TAFA2: variants seen among roughly 807,000 people sequenced by gnomAD.
TAFA2 encodes TAFA chemokine like family member 2.
TAFA2 carries 7 observed loss-of-function variants against 18.8 expected under a neutral mutation model. The observed-to-expected ratio is 0.37, with a 90% CI of 0.21 to 0.70. The LOEUF (loss-of-function observed/expected upper bound fraction) is 0.70. Ranked by LOEUF, TAFA2 falls within the 30% of genes least tolerant of loss-of-function variation. The pLI, the probability that TAFA2 is intolerant of heterozygous loss-of-function variation, is 0.53. For synonymous variants in TAFA2, 60 were observed against 54.2 expected (o/e 1.11, Z -0.47); for missense variants, 122 against 158.1 (o/e 0.77, Z 1.23).
chr12:62,203,392 T>C (rs2062679732), intron 1 of TAFA2, among the ~76,000 whole-genome samples: 1 of 152,244 alleles, frequency 6.6e-6, no homozygotes, highest in Non-Finnish European at 1.5e-5. Context: ...TGAATATCCT[T>C]GTTAATTTTC....
At chr12:62,067,367 T>C (rs1179841535) in intron 1 of TAFA2, among the ~76,000 whole-genome samples, 1 of 152,090 alleles carries the variant, frequency 6.6e-6, no homozygotes, top group Non-Finnish European at 1.5e-5. Flanking sequence ...GCCTGTGGGG[T>C]ATTACTCAAG....
chr12:61,787,118 A>T (rs1216029417), intron 2 of TAFA2, among the ~76,000 whole-genome samples: 1 of 151,516 alleles, frequency 6.6e-6, no homozygotes, highest in African/African-American at 2.4e-5. Context: ...TAAGAAACCA[A>T]CTATAAACCT....
At chr12:61,843,725 C>T (rs1306828460) in intron 2 of TAFA2, among the ~76,000 whole-genome samples, 8 of 152,084 alleles carry the variant, frequency 5.3e-5, no homozygotes, top group Admixed American at 5.2e-4. Context: ...TTCATATATA[C>T]ACACATAAAT....
chr12:62,250,934 G>C (rs188173432), intron 1 of TAFA2, among the ~76,000 whole-genome samples: 8 of 135,208 alleles, frequency 5.9e-5, no homozygotes, highest in Non-Finnish European at 1.4e-4. Flanking sequence ...CTAATCCTCA[G>C]AGAGCAGCTG....
intron 4 of TAFA2, among the ~76,000 whole-genome samples, chr12:61,728,886 T>TTGTGTCAAG (rs541723077): frequency 1.2e-3 from 176 of 152,206 alleles, no homozygotes; most frequent in Non-Finnish European, 2.0e-3. Context: ...ATTCAAGGTT[T>TTGTGTCAAG]TGTGTCAAGA....
chr12:61,861,575 G>C (rs2884859), intron 2 of TAFA2, among the ~76,000 whole-genome samples: 41,744 of 151,842 alleles, frequency 0.27, 6,411 homozygotes, highest in South Asian at 0.39. Flanking sequence ...CATATCTCCA[G>C]AATTTGACTT....
intron 1 of TAFA2, chr12:62,021,440 T>G: frequency 7.4e-6 from 3 of 403,406 alleles, no homozygotes; most frequent in East Asian, 6.9e-5. Flanking sequence ...CCTCCCACCC[T>G]TTCCCCCAAG....
In TAFA2 at chr12:61,723,692, T is replaced by A. The variant is rs1870009946; in HGVS notation, c.385-13275A>T. Among the ~76,000 whole-genome samples, 3 of 152,152 alleles carry A rather than the reference T, an allele frequency of 2.0e-5. No homozygotes were observed. In the South Asian group the frequency reaches 6.2e-4, roughly 31 times the overall value. On this transcript the variant is annotated intron_variant, in intron 4 of 4. Coordinates refer to ENST00000416284, the MANE Select transcript of TAFA2 (RefSeq NM_178539.5). ...AAACAAAATTAATTCATGAAAATAATGATGCAAGTAGATAATAGCAATCTG... is the reference window on the plus strand; with the variant it reads ...AAACAAAATTAATTCATGAAAATAAAGATGCAAGTAGATAATAGCAATCTG...
At chr12:62,137,568 T>G (rs1024579243) in intron 1 of TAFA2, among the ~76,000 whole-genome samples, 6 of 152,160 alleles carry the variant, frequency 3.9e-5, no homozygotes, top group Admixed American at 2.0e-4. Flanking sequence ...GGTCATCCAC[T>G]GTGCTTGGAA....
chr12:61,866,288 C>T (rs1399194976), intron 2 of TAFA2, among the ~76,000 whole-genome samples: 1 of 152,076 alleles, frequency 6.6e-6, no homozygotes, highest in African/African-American at 2.4e-5. Flanking sequence ...AAGTGTCAGT[C>T]CCACACACCA....
intron 1 of TAFA2, among the ~76,000 whole-genome samples, chr12:62,247,834 GT>G (rs1206646892): frequency 6.6e-6 from 1 of 152,134 alleles, no homozygotes; most frequent in Non-Finnish European, 1.5e-5. Context: ...TATTTTGAGT[GT>G]TTTTATTCAA....
At chr12:62,035,117 C>A (rs1015050734) in intron 1 of TAFA2, among the ~76,000 whole-genome samples, 1 of 152,024 alleles carries the variant, frequency 6.6e-6, no homozygotes, top group Non-Finnish European at 1.5e-5. Context: ...GGGAGGTCAC[C>A]CCTCTATGTG....
At chr12:61,837,504 A>G (rs1424241342) in intron 2 of TAFA2, among the ~76,000 whole-genome samples, 1 of 152,020 alleles carries the variant, frequency 6.6e-6, no homozygotes, top group Non-Finnish European at 1.5e-5. Flanking sequence ...GTATTATATA[A>G]GATCTATTAA....
chr12:62,129,924 A>G (rs777076895), intron 1 of TAFA2, among the ~76,000 whole-genome samples: 8 of 152,048 alleles, frequency 5.3e-5, no homozygotes, highest in Non-Finnish European at 1.0e-4. Flanking sequence ...ATTCTAAAAC[A>G]TACCATTTCT....
intron 2 of TAFA2, among the ~76,000 whole-genome samples, chr12:61,836,301 G>GA (rs796755812): frequency 9.9e-5 from 15 of 151,964 alleles, no homozygotes; most frequent in African/African-American, 3.1e-4. Context: ...AGATGTGAGT[G>GA]AAAAAATATA....
intron 1 of TAFA2, among the ~76,000 whole-genome samples, chr12:62,070,267 T>TG (rs1882594823): frequency 6.6e-6 from 1 of 152,194 alleles, no homozygotes; most frequent in South Asian, 2.1e-4. Context: ...CCCCAAGTAA[T>TG]ACTATTTTTT....
rs1877201749 is a variant in TAFA2 at position 61,924,684 on chromosome 12, A to T, written c.-1-57258T>A. 1.3e-5 allele frequency among the ~76,000 whole-genome samples: 2 copies of T among 152,230 alleles called. 1 individual carries two copies. Among genetic ancestry groups the T allele is most frequent in the South Asian group, 4.1e-4 (2 of 4,830 alleles). On this transcript the variant is annotated intron_variant, in intron 1 of 4. Transcript: ENST00000416284. ...CACTATGAAGAAAGTGTATGAACGA[A>T]TGGGTAAAATAACCAGCTACCATCA... is the stretch of plus-strand genomic sequence containing the variant.
chr12:62,140,962 A>G (rs920678312), intron 1 of TAFA2, among the ~76,000 whole-genome samples: 1 of 152,170 alleles, frequency 6.6e-6, no homozygotes, highest in African/African-American at 2.4e-5. Context: ...TTCATGTTTT[A>G]TCTTGATCAG....
chr12:61,785,651 G>A (rs1264792704), intron 2 of TAFA2, among the ~76,000 whole-genome samples: 4 of 151,352 alleles, frequency 2.6e-5, no homozygotes, highest in Admixed American at 6.6e-5. Flanking sequence ...AGAATTTGGA[G>A]TATCTCTCTG....
Sources: allele counts gnomAD v4.1 joint callset (sites outside exome capture counted in the v4.1 genomes callset), GRCh38; gene constraint gnomAD v4.1.1; transcripts MANE v1.5; gene names NCBI Gene and HGNC (gene_info 2026-07-23, HGNC 2026-07-21).